Variants in ALPK2 observed in about 807,000 individuals in gnomAD.
ALPK2 encodes the protein alpha-protein kinase 2.
A neutral mutation model predicts 163.1 loss-of-function variants in ALPK2; 127 were observed. The observed-to-expected ratio is 0.78, with a 90% CI of 0.67 to 0.90. The LOEUF (loss-of-function observed/expected upper bound fraction) is 0.90, where lower values mean the gene tolerates loss of function less well. ALPK2 is among the 40% of genes least tolerant of loss of function. The pLI is 0.00. For missense variants in ALPK2, 2,360 were observed against 2,589.6 expected (o/e 0.91, Z 1.92); for synonymous variants, 953 against 959.1 (o/e 0.99, Z 0.12).
At chr18:58,614,273 G>A (rs1018380906) in intron 1 of ALPK2, among the ~76,000 whole-genome samples, 2 of 152,230 alleles carry the variant, frequency 1.3e-5, no homozygotes, top group East Asian at 1.9e-4. Flanking sequence ...GTGGAAGACT[G>A]AGCAAGAGAG....
At chr18:58,550,188 C>A (rs972047895) in intron 4 of ALPK2, among the ~76,000 whole-genome samples, 1 of 152,084 alleles carries the variant, frequency 6.6e-6, no homozygotes, top group Admixed American at 6.5e-5. Context: ...TTATTTTCAT[C>A]TGTTTGCTTT....
intron 3 of ALPK2, among the ~76,000 whole-genome samples, chr18:58,589,366 A>C (rs780890687): frequency 1.3e-5 from 2 of 152,190 alleles, no homozygotes; most frequent in Non-Finnish European, 2.9e-5. Flanking sequence ...TGGAAGGGCT[A>C]ATCCTAAAAG....
At chr18:58,588,295 C>T (rs1011689930) in intron 3 of ALPK2, among the ~76,000 whole-genome samples, 9 of 152,206 alleles carry the variant, frequency 5.9e-5, no homozygotes, top group South Asian at 2.1e-4. Context: ...GCAACTAATA[C>T]GGTTCGGGAC....
In ALPK2 at chr18:58,582,287, C is replaced by T. The variant is rs567426396; in HGVS notation, c.228-1739G>A. Among the ~76,000 whole-genome samples, 16 of 152,222 alleles carry T rather than the reference C, an allele frequency of 1.1e-4. No homozygotes were observed. The South Asian group carries it at 2.9e-3, about 28-fold the overall frequency. ...GAATTCTTCAAGAAGGGGGCAGTAC[C>T]GAGACAAAGATATCTCTGGTGCTGA... On this transcript the variant is annotated intron_variant, in intron 3 of 12. Coordinates refer to ENST00000361673, the MANE Select transcript of ALPK2 (RefSeq NM_052947.4).
intron 1 of ALPK2, among the ~76,000 whole-genome samples, chr18:58,619,180 A>G (rs2052185735): frequency 6.6e-6 from 1 of 152,188 alleles, no homozygotes; most frequent in Non-Finnish European, 1.5e-5. Context: ...CACTTAACAC[A>G]TTTCGGGTGC....
Position 58,538,203 on chromosome 18 carries a change from T to A in ALPK2, c.1984A>T (p.Arg662Ter). 6.2e-7 allele frequency: 1 copy of A among 1,611,332 alleles called. No homozygotes were observed. The change falls in exon 5 of 13, where the codon AGA becomes TGA. Residue 662 changes from arginine to a stop codon, truncating the protein, a stop_gained. Transcript: ENST00000361673. LOFTEE classifies it high-confidence loss of function. ...ATCTGGCTGCAAGAGATTGTCTCTC[T>A]GACTGTTTCCTGAACTTGTACCTAG... ...PPQVQVQETV[R>*]ETISCSQMPA...
intron 5 of ALPK2, among the ~76,000 whole-genome samples, chr18:58,534,533 C>A (rs1314860278): frequency 6.6e-6 from 1 of 152,228 alleles, no homozygotes; most frequent in African/African-American, 2.4e-5. Flanking sequence ...TCCCCTCCAA[C>A]AGACATGCCT....
chr18:58,541,231 C>T (rs1044951418), intron 4 of ALPK2, among the ~76,000 whole-genome samples: 1 of 152,360 alleles, frequency 6.6e-6, no homozygotes, highest in South Asian at 2.1e-4. Context: ...TTACTCATGG[C>T]AGATGGCAAA....
intron 3 of ALPK2, among the ~76,000 whole-genome samples, chr18:58,588,373 C>T (rs761063005): frequency 9.9e-5 from 15 of 152,128 alleles, no homozygotes; most frequent in Non-Finnish European, 1.5e-4. Context: ...TGAGTGTACA[C>T]GTCAACACAG....
chr18:58,490,066 G>A (rs188921967), intron 12 of ALPK2, among the ~76,000 whole-genome samples: 51 of 147,600 alleles, frequency 3.5e-4, no homozygotes, highest in East Asian at 1.7e-3. Context: ...GTGAGAGTCC[G>A]TCTCAAAAAA....
At chr18:58,578,736 A>ACACACGCGCGCGCGCG (rs1555673981) in intron 4 of ALPK2, 78 bp downstream of exon 4, 3 of 760,804 alleles carry the variant, frequency 3.9e-6, no homozygotes. Context: ...AGGAAGAGAC[A>ACACACGCGCGCGCGCG]CACACACACA....
At chr18:58,506,363 T>TAA (rs373086475) in intron 10 of ALPK2, among the ~76,000 whole-genome samples, 1 of 134,184 alleles carries the variant, frequency 7.5e-6, no homozygotes, top group African/African-American at 2.7e-5. Context: ...CCCATGAATC[T>TAA]AAAAAAAAAA....
At chr18:58,538,887 C>T (rs1409740643) in intron 4 of ALPK2, among the ~76,000 whole-genome samples, 1 of 151,908 alleles carries the variant, frequency 6.6e-6, no homozygotes, top group Non-Finnish European at 1.5e-5. Context: ...GAGTCTGGCA[C>T]CATCCCCACC....
rs187971105 is a variant in ALPK2 at position 58,529,381 on chromosome 18, G to A, written c.5354-143C>T. The A allele has an allele frequency of 3.5e-5, 31 of 895,564 alleles. No homozygotes were observed. In the African/African-American group the frequency reaches 5.1e-4, roughly 15 times the overall value. The allele number at this position is 895,564 out of a possible 1,614,324, so 55.5% of individuals were successfully genotyped here. ...TGAGAATTGAGTCTCTGAGGGGAGAGGTGGCTTGCCTAAATAGTCGGAAAA... is the reference window on the plus strand; with the variant it reads ...TGAGAATTGAGTCTCTGAGGGGAGAAGTGGCTTGCCTAAATAGTCGGAAAA... On this transcript the variant is annotated intron_variant, in intron 5 of 12. Coordinates refer to ENST00000361673, the MANE Select transcript of ALPK2 (RefSeq NM_052947.4).
chr18:58,619,975 C>T (rs1216173261), intron 1 of ALPK2, among the ~76,000 whole-genome samples: 1 of 152,192 alleles, frequency 6.6e-6, no homozygotes, highest in Non-Finnish European at 1.5e-5. Flanking sequence ...AATTGAATAC[C>T]ACTGAGCAAT....
In ALPK2 at chr18:58,579,806, CTGAAAACTCCTCGG is replaced by C. The variant is rs780638020; in HGVS notation, c.956_969del (p.Thr319ArgfsTer2). ...CATTCCAGATACTCCAGGTCATCAT[CTGAAAACTCCTCGG>C]TGTAGGTTAGGGTTATCTCTGGGCA... On this transcript the variant is annotated frameshift_variant, in exon 4 of 13. Coordinates refer to ENST00000361673, the MANE Select transcript of ALPK2 (RefSeq NM_052947.4). LOFTEE classifies it high-confidence loss of function. 3.4e-5 allele frequency: 55 copies of C among 1,614,102 alleles called. No homozygotes were observed. The South Asian group carries it at 6.0e-4, about 18-fold the overall frequency.
At chr18:58,493,518 G>A (rs1464327621) in intron 12 of ALPK2, among the ~76,000 whole-genome samples, 1 of 152,138 alleles carries the variant, frequency 6.6e-6, no homozygotes, top group Non-Finnish European at 1.5e-5. Context: ...TCTGCTTGTG[G>A]GCATTGAAGG....
intron 1 of ALPK2, among the ~76,000 whole-genome samples, chr18:58,612,695 C>G (rs942774166): frequency 6.6e-6 from 1 of 152,236 alleles, no homozygotes; most frequent in Admixed American, 6.5e-5. Flanking sequence ...TGAGCCAGCC[C>G]TGAGGGCGCA....
chr18:58,551,289 C>T (rs2051758931), intron 4 of ALPK2, among the ~76,000 whole-genome samples: 1 of 152,188 alleles, frequency 6.6e-6, no homozygotes, highest in African/African-American at 2.4e-5. Flanking sequence ...GGGCTGCACT[C>T]CTCTGGAGGT....
Sources: allele counts gnomAD v4.1 joint callset (sites outside exome capture counted in the v4.1 genomes callset), GRCh38; gene constraint gnomAD v4.1.1; transcripts MANE v1.5; gene names NCBI Gene and HGNC (gene_info 2026-07-23, HGNC 2026-07-21).